Variants in AQP10 observed in about 807,000 individuals in gnomAD.
AQP10 encodes aquaporin-10.
A neutral mutation model predicts 21.0 loss-of-function variants in AQP10; 15 were observed. That is an observed-to-expected ratio of 0.71 (90% CI 0.48 to 1.10). The LOEUF (loss-of-function observed/expected upper bound fraction) is 1.10, where lower values mean the gene tolerates loss of function less well. Among genes scored for constraint, AQP10 ranks in the 50% least tolerant of loss-of-function variants. AQP10 has a pLI of 0.00. For missense variants in AQP10, 268 were observed against 379.5 expected, an observed-to-expected ratio of 0.71 and a Z score of 2.44; for synonymous variants, 143 against 155.7, an observed-to-expected ratio of 0.92 and a Z score of 0.61.
At chr1:154,322,848 A>C in intron 2 of AQP10, 134 bp from the exon 3 acceptor site, 1 of 1,186,426 alleles carries the variant, frequency 8.4e-7, no homozygotes, top group Non-Finnish European at 1.2e-6. Context: ...CTGGAGCCTC[A>C]ATTTCCTAAG....
chr1:154,323,821 C>T lies in AQP10; in HGVS notation c.707+15C>T, dbSNP rs747841880. ...GAAGTCTTCAGGTGGGAGACAGACT[C>T]TCCTGGTGCTGGCCTCCACTCACCT... On this transcript the variant is annotated intron_variant, in intron 5 of 5. Transcript: ENST00000324978. This position sits in a 1 kb window ranked among gnomAD's most constrained non-coding sequence, Gnocchi z 4.5. 1.4e-5 allele frequency: 23 copies of T among 1,612,610 alleles called. No individual in the cohort carries two copies. The highest frequency in any genetic ancestry group is 8.5e-7 in the Non-Finnish European group (1 of 1,179,390).
At chr1:154,322,135 C>T (rs561081874) in intron 2 of AQP10, 76 bp downstream of exon 2, 17 of 1,579,158 alleles carry the variant, frequency 1.1e-5, no homozygotes, top group East Asian at 2.3e-5. Flanking sequence ...ATGGTGGAAA[C>T]GCAAATCCTT....
rs750832917 is a variant in AQP10, at chr1:154,323,401, G to A, written c.489+42G>A. 6.3e-7 allele frequency: 1 copy of A among 1,585,162 alleles called. No individual in the cohort carries two copies. The highest frequency in any genetic ancestry group is 1.1e-5 in the South Asian group (1 of 90,258). On this transcript the variant is annotated intron_variant, in intron 4 of 5. Transcript: ENST00000324978. The surrounding 1 kb of genome is among the most constrained non-coding windows in gnomAD (Gnocchi z 4.5). ...GACCTGGGGACACTACTTTGGTCCT[G>A]TTCCTCGGCACCCCAGCCTATTGTT...
In AQP10 at chr1:154,323,000, C is replaced by T. The variant is rs1201950180; in HGVS notation, c.251C>T (p.Ala84Val). The change falls in exon 3 of 6, where the codon GCC becomes GTC. Residue 84 changes from alanine (A) to valine (V), a missense_variant. Physicochemically the swap from Ala to Val is moderately conservative, Grantham distance 64. Coordinates refer to ENST00000324978, the MANE Select transcript of AQP10 (RefSeq NM_080429.3). ...CTTGAAGGGGCCCACCTGAATCCAG[C>T]CTTCTCCCTGGCCATGTGCATCGTT... ...GNVSGAHLNP[A>V]FSLAMCIVGR... is the part of the protein sequence containing the mutation. The T allele has an allele frequency of 6.2e-6, 10 of 1,614,208 alleles. No individual in the cohort carries two copies. The highest frequency in any genetic ancestry group is 8.5e-6 in the Non-Finnish European group (10 of 1,180,042).
rs1685698382 is a variant in AQP10 at position 154,323,699 on chromosome 1, C to T, written c.600C>T (p.Ala200=). Residue 200 remains alanine (A), a synonymous_variant, in exon 5 of 6, where the codon GCC becomes GCT. Transcript: ENST00000324978. The surrounding 1 kb of genome is among the most constrained non-coding windows in gnomAD (Gnocchi z 4.5). The part of the protein sequence containing the change: ...EPVVVGMLIL[A]LGLSMGANCG... Reference sequence around the variant, plus strand: ...TGGTGGTGGGGATGCTGATCCTGGCCCTCGGGTTATCCATGGGTGCCAACT... The same window carrying T: ...TGGTGGTGGGGATGCTGATCCTGGCTCTCGGGTTATCCATGGGTGCCAACT... 2 of 1,614,178 alleles carry T rather than the reference C, an allele frequency of 1.2e-6. No individual in the cohort carries two copies. Among genetic ancestry groups the T allele is most frequent in the South Asian group, 2.2e-5 (2 of 91,086 alleles).
chr1:154,322,091 C>G (rs376294642), intron 2 of AQP10, 32 bp downstream of exon 2: 22 of 1,611,654 alleles, frequency 1.4e-5, no homozygotes, highest in Admixed American at 1.0e-4. Context: ...CATCAGAGCA[C>G]GTGGGATGTG....
intron 5 of AQP10, 21 bp from the exon 6 acceptor site, chr1:154,324,261 C>T: frequency 6.6e-7 from 1 of 1,522,930 alleles, no homozygotes; most frequent in Non-Finnish European, 8.8e-7. Flanking sequence ...CTGATACCTT[C>T]CCACTGTCCT....
At position 154,323,864 on chromosome 1, in the gene AQP10, T is replaced by C; in HGVS notation, c.707+58T>C. The C allele has an allele frequency of 6.3e-7, 1 of 1,587,702 alleles. No individual in the cohort carries two copies. Among genetic ancestry groups the C allele is most frequent in the Non-Finnish European group, 8.6e-7 (1 of 1,166,328 alleles). On this transcript the variant is annotated intron_variant, in intron 5 of 5. Transcript: ENST00000324978. The surrounding 1 kb of genome is among the most constrained non-coding windows in gnomAD (Gnocchi z 4.5). ...ACTCACCTTCCTCTGCTAAGGGCTCTGTCCCTGGGTCCACAGCACTCTGCC... is the reference window on the plus strand; with the variant it reads ...ACTCACCTTCCTCTGCTAAGGGCTCCGTCCCTGGGTCCACAGCACTCTGCC...
chr1:154,324,378 C>T lies in AQP10; in HGVS notation c.804C>T (p.His268=), dbSNP rs1381943561. Residue 268 remains histidine, a synonymous_variant, in exon 6 of 6, where the codon CAC becomes CAT. Transcript: ENST00000324978. ...ACCAGCTGTTGGTGGCTCTGCACCA[C>T]CCTGAGGGCCCAGAGCCAGCTCAGG... ...ATYQLLVALH[H]PEGPEPAQDL... 4 of 1,613,464 alleles carry T rather than the reference C, an allele frequency of 2.5e-6. No individual in the cohort carries two copies. The highest frequency in any genetic ancestry group is 2.2e-5 in the East Asian group (1 of 44,884).
In AQP10 at chr1:154,323,226, TC is replaced by T. The variant is rs760321077; in HGVS notation, c.371-12del. On this transcript the variant is annotated splice_polypyrimidine_tract_variant and intron_variant, in intron 3 of 5. Coordinates refer to ENST00000324978, the MANE Select transcript of AQP10 (RefSeq NM_080429.3). The surrounding 1 kb of genome is among the most constrained non-coding windows in gnomAD (Gnocchi z 4.5). ...GAGCAAAGAGGGAAATCCTGGGTGT[TC>T]CCTTCCTCCACAGATGCCCTACAGA... 1.4e-5 allele frequency: 22 copies of T among 1,613,730 alleles called. No individual in the cohort carries two copies. The South Asian group carries it at 2.4e-4, about 18-fold the overall frequency.
rs201637354 is a variant in AQP10, at chr1:154,324,216, C to G, written c.708-66C>G. The G allele has an allele frequency of 3.8e-4, 549 of 1,430,192 alleles. 4 individuals carry two copies. In the East Asian group the frequency reaches 0.012, roughly 32 times the overall value. The allele number at this position is 1,430,192 out of a possible 1,614,324, so 88.6% of individuals were successfully genotyped here. On this transcript the variant is annotated intron_variant, in intron 5 of 5. Coordinates refer to ENST00000324978, the MANE Select transcript of AQP10 (RefSeq NM_080429.3). Reference sequence around the variant, plus strand: ...AGGGCACTCTCTTGTTACTGCCCCCCGTCCTTGGAGAGGGGAAGGCTAAGG... The same window carrying G: ...AGGGCACTCTCTTGTTACTGCCCCCGGTCCTTGGAGAGGGGAAGGCTAAGG...
In AQP10 at chr1:154,323,428, A is replaced by G; in HGVS notation, c.489+69A>G. Reference sequence around the variant, plus strand: ...TCCTCGGCACCCCAGCCTATTGTTCAGTCTCTGGGTGGAGTGTGGGTTGGG... The same window carrying G: ...TCCTCGGCACCCCAGCCTATTGTTCGGTCTCTGGGTGGAGTGTGGGTTGGG... On this transcript the variant is annotated intron_variant, in intron 4 of 5. Coordinates refer to ENST00000324978, the MANE Select transcript of AQP10 (RefSeq NM_080429.3). This position sits in a 1 kb window ranked among gnomAD's most constrained non-coding sequence, Gnocchi z 4.5. 1.3e-6 allele frequency: 2 copies of G among 1,543,900 alleles called. No homozygotes were observed. The highest frequency in any genetic ancestry group is 1.7e-5 in the Admixed American group (1 of 59,092).
Position 154,323,660 on chromosome 1 carries a change from G to T in AQP10, c.561G>T (p.Ala187=), listed in dbSNP as rs370543262. ...ACAGACGGAACAAGGGAGTCCCTGC[G>T]GGTCTGGAGCCTGTGGTGGTGGGGA... ...ILDRRNKGVP[A]GLEPVVVGML... The change falls in exon 5 of 6, where the codon GCG becomes GCT. Residue 187 remains alanine, a synonymous_variant. Coordinates refer to ENST00000324978, the MANE Select transcript of AQP10 (RefSeq NM_080429.3). The surrounding 1 kb of genome is among the most constrained non-coding windows in gnomAD (Gnocchi z 4.5). The T allele has an allele frequency of 6.8e-6, 11 of 1,614,112 alleles. No homozygotes were observed. In the African/African-American group the frequency reaches 1.5e-4, roughly 22 times the overall value.
intron 1 of AQP10, 51 bp from the exon 2 acceptor site, chr1:154,321,882 C>T: frequency 6.2e-7 from 1 of 1,608,538 alleles, no homozygotes; most frequent in Non-Finnish European, 8.5e-7. Flanking sequence ...CAACCTTTCT[C>T]CCTGTTGGTC....
At position 154,324,740 on chromosome 1, in the gene AQP10, T is replaced by C; in HGVS notation, c.*260T>C. On this transcript the variant is annotated 3_prime_UTR_variant, in exon 6 of 6. Transcript: ENST00000324978. Reference sequence around the variant, plus strand: ...ACCCTCAGGGCCTCTCGGAATGTAGTTGCTCGAGGTAACCGCTAGAGGGTG... The same window carrying C: ...ACCCTCAGGGCCTCTCGGAATGTAGCTGCTCGAGGTAACCGCTAGAGGGTG... 3 of 389,002 alleles carry C rather than the reference T, an allele frequency of 7.7e-6. No homozygotes were observed. In the Admixed American group the frequency reaches 1.3e-4, roughly 17 times the overall value. 24.1% of individuals were successfully genotyped at this position (389,002 alleles called of 1,614,324 possible).
At position 154,323,450 on chromosome 1, in the gene AQP10, T is replaced by C. The variant is rs1318435739; in HGVS notation, c.489+91T>C. 1.3e-6 allele frequency: 2 copies of C among 1,503,652 alleles called. No individual in the cohort carries two copies. Among genetic ancestry groups the C allele is most frequent in the African/African-American group, 2.8e-5 (2 of 72,588 alleles). 93.1% of individuals were successfully genotyped at this position (1,503,652 alleles called of 1,614,324 possible). On this transcript the variant is annotated intron_variant, in intron 4 of 5. Coordinates refer to ENST00000324978, the MANE Select transcript of AQP10 (RefSeq NM_080429.3). This position sits in a 1 kb window ranked among gnomAD's most constrained non-coding sequence, Gnocchi z 4.5. ...TTCAGTCTCTGGGTGGAGTGTGGGT[T>C]GGGTCTATCTTGGCACTCCCCACCA...
intron 1 of AQP10, 35 bp downstream of exon 1, chr1:154,321,295 G>C (rs1207703690): frequency 6.4e-7 from 1 of 1,568,776 alleles, no homozygotes; most frequent in African/African-American, 1.4e-5. Flanking sequence ...AAAGAAGGGG[G>C]TTGGGCAAAA....
rs1685725351 is a variant in AQP10, at chr1:154,324,726, C to T, written c.*246C>T. On this transcript the variant is annotated 3_prime_UTR_variant, in exon 6 of 6. Coordinates refer to ENST00000324978, the MANE Select transcript of AQP10 (RefSeq NM_080429.3). ...AAAGCGGTTTTCTGACCCTCAGGGC[C>T]TCTCGGAATGTAGTTGCTCGAGGTA... 2.3e-6 allele frequency: 1 copy of T among 431,322 alleles called. No individual in the cohort carries two copies. Among genetic ancestry groups the T allele is most frequent in the East Asian group, 4.2e-5 (1 of 23,556 alleles). The allele number at this position is 431,322 out of a possible 1,614,324, so 26.7% of individuals were successfully genotyped here.
chr1:154,321,862 C>T (rs1685647959), intron 1 of AQP10, 71 bp from the exon 2 acceptor site: 2 of 1,596,462 alleles, frequency 1.3e-6, no homozygotes, highest in African/African-American at 1.3e-5. Context: ...GGCTGCTCCC[C>T]TGGCCTTCCC....
Sources: gnomAD v4.1 joint callset for allele counts on GRCh38, gnomAD v4.1.1 for gene constraint, Gnocchi (gnomAD v3.1) non-coding constraint, MANE v1.5 for transcripts, NCBI Gene and HGNC (gene_info 2026-07-23, HGNC 2026-07-21) for gene names.